Variants in OPHN1 observed in about 807,000 individuals in gnomAD.
OPHN1 encodes the protein oligophrenin-1.
In OPHN1, 11 loss-of-function variants were observed where a neutral mutation model predicts 60.7. That is an observed-to-expected ratio of 0.18 (90% CI 0.11 to 0.30). The LOEUF (loss-of-function observed/expected upper bound fraction) is 0.30, where lower values mean the gene tolerates loss of function less well. Among genes scored for constraint, OPHN1 ranks in the 10% least tolerant of loss-of-function variants. The probability of loss-of-function intolerance (pLI) is 1.00; values close to 1 mark genes in which losing one functional copy is unlikely to be tolerated. For synonymous variants in OPHN1, 226 were observed against 222.6 expected (o/e 1.02, Z -0.14); for missense variants, 449 against 611.0 (o/e 0.73, Z 2.80).
At chrX:68,369,954 A>G (rs923837957) in intron 2 of OPHN1, among the ~76,000 whole-genome samples, 1 of 101,061 alleles carries the variant, frequency 9.9e-6, no homozygotes, top group Non-Finnish European at 2.0e-5. Context: ...ACTAACAGCC[A>G]ATATCTCATC....
chrX:68,378,308 T>C (rs1273454601), intron 2 of OPHN1, among the ~76,000 whole-genome samples: 3 of 111,790 alleles, frequency 2.7e-5, no homozygotes, highest in Non-Finnish European at 5.6e-5. Context: ...TTTGTTTGAG[T>C]TCATTGTAGA....
chrX:68,064,619 C>A (rs1322902720), intron 20 of OPHN1, among the ~76,000 whole-genome samples: 2 of 111,939 alleles, frequency 1.8e-5, no homozygotes, highest in Non-Finnish European at 3.8e-5. Flanking sequence ...TAACTTCGTT[C>A]TCCAACCCGG....
intron 20 of OPHN1, among the ~76,000 whole-genome samples, chrX:68,072,273 TTAGATAAA>T (rs2076937792): frequency 8.9e-6 from 1 of 112,266 alleles, no homozygotes; most frequent in African/African-American, 3.2e-5. Flanking sequence ...GATATCAATC[TTAGATAAA>T]TTTGGAAATC....
intron 2 of OPHN1, among the ~76,000 whole-genome samples, chrX:68,369,401 C>A (rs1053726865): frequency 4.5e-5 from 5 of 110,994 alleles, no homozygotes; most frequent in African/African-American, 1.6e-4. Flanking sequence ...AGGGTTAACA[C>A]ATTATAATAT....
chrX:68,282,914 C>G (rs2078025474), intron 4 of OPHN1, 142 bp downstream of exon 4: 1 of 481,121 alleles, frequency 2.1e-6, no homozygotes, highest in African/African-American at 2.4e-5. Context: ...ATAACCAGAT[C>G]TATTACCTAA....
At chrX:68,416,031 A>G (rs2078792442) in intron 2 of OPHN1, among the ~76,000 whole-genome samples, 1 of 40,663 alleles carries the variant, frequency 2.5e-5, no homozygotes, top group Non-Finnish European at 4.8e-5. Flanking sequence ...AAAAAATTAT[A>G]TAATATATAT....
intron 3 of OPHN1, among the ~76,000 whole-genome samples, chrX:68,285,851 C>T (rs1462075648): frequency 9.0e-6 from 1 of 110,661 alleles, no homozygotes; most frequent in Non-Finnish European, 1.9e-5. Flanking sequence ...CTTCCAACTG[C>T]AAGTTTCAGT....
intron 6 of OPHN1, among the ~76,000 whole-genome samples, chrX:68,231,116 A>G (rs1279787749): frequency 1.8e-5 from 2 of 111,909 alleles, no homozygotes; most frequent in African/African-American, 6.5e-5. Flanking sequence ...ACATGGATGG[A>G]ACTGAAAGTT....
intron 2 of OPHN1, among the ~76,000 whole-genome samples, chrX:68,343,294 G>A (rs766774031): frequency 1.7e-3 from 175 of 103,220 alleles, no homozygotes; most frequent in African/African-American, 5.7e-3. Context: ...AAGCGGGGGG[G>A]GAGGGGCGCT....
intron 2 of OPHN1, among the ~76,000 whole-genome samples, chrX:68,430,910 C>T (rs1424787496): frequency 9.0e-6 from 1 of 111,604 alleles, no homozygotes; most frequent in Non-Finnish European, 1.9e-5. Flanking sequence ...TGCTCTTCCA[C>T]CATGTTTTAT....
rs1157241108 is a variant in OPHN1, at chrX:68,316,432, TAAG to T, written c.155-17339_155-17337del. Among the ~76,000 whole-genome samples, 9 of 112,166 alleles carry T rather than the reference TAAG, an allele frequency of 8.0e-5. No individual in the cohort carries two copies. The Admixed American group carries it at 8.5e-4, about 11-fold the overall frequency. On this transcript the variant is annotated intron_variant, in intron 2 of 24. Coordinates refer to ENST00000355520, the MANE Select transcript of OPHN1 (RefSeq NM_002547.3). ...TATATTAGTTTTCTATTCGCTGCCATAAGAAATTACCATAAACTTGGTGGTTTA... is the reference window on the plus strand; with the variant it reads ...TATATTAGTTTTCTATTCGCTGCCATAAATTACCATAAACTTGGTGGTTTA...
intron 2 of OPHN1, among the ~76,000 whole-genome samples, chrX:68,398,621 A>C (rs374921598): frequency 9.0e-6 from 1 of 111,599 alleles, no homozygotes; most frequent in East Asian, 2.8e-4. Context: ...GCAATGTGCT[A>C]CCTTAGACTG....
chrX:68,245,851 T>C (rs1378625382), intron 5 of OPHN1, among the ~76,000 whole-genome samples: 1 of 112,120 alleles, frequency 8.9e-6, no homozygotes, highest in Non-Finnish European at 1.9e-5. Context: ...TCACCCAGGC[T>C]GGAGTGCAAT....
Position 68,046,394 on chromosome X carries a change from T to C in OPHN1, c.*778A>G. On this transcript the variant is annotated 3_prime_UTR_variant, in exon 25 of 25. Transcript: ENST00000355520. ...AAGAAATGTGTTCAGCTTTTGTTTGTTTCTTGATTGCTTGACAGGAAGCTG... is the reference window on the plus strand; with the variant it reads ...AAGAAATGTGTTCAGCTTTTGTTTGCTTCTTGATTGCTTGACAGGAAGCTG... The C allele has an allele frequency of 8.9e-6, 1 of 112,433 alleles. No individual in the cohort carries two copies. The highest frequency in any genetic ancestry group is 3.7e-4 in the South Asian group (1 of 2,696). 9.3% of individuals were successfully genotyped at this position (112,433 alleles called of 1,213,427 possible).
At chrX:68,359,763 G>A (rs988663575) in intron 2 of OPHN1, among the ~76,000 whole-genome samples, 2 of 106,896 alleles carry the variant, frequency 1.9e-5, no homozygotes, top group East Asian at 3.0e-4. Context: ...GGTTGAGGCA[G>A]GAGAATGGCG....
At chrX:68,159,134 T>C (rs190213629) in intron 15 of OPHN1, among the ~76,000 whole-genome samples, 1 of 111,938 alleles carries the variant, frequency 8.9e-6, no homozygotes, top group East Asian at 2.8e-4. Context: ...CAAGGCTCTC[T>C]AGAAGGGAAC....
Position 68,192,934 on chromosome X carries a change from G to T in OPHN1, c.1261C>A (p.Leu421Met). The change falls in exon 15 of 25, where the codon CTG becomes ATG. Residue 421 changes from leucine to methionine, a missense_variant. Leu to Met is a conservative substitution (Grantham distance 15). This residue lies in a region of OPHN1 where 166 missense variants were observed against 278.4 expected (regional missense o/e 0.60). Transcript: ENST00000355520. ...AAATTGTTACCAAAAAAGGCATTCA[G>T]CAGCTTCTGAACCTGAATATTGCTG... Reference protein sequence around the residue: ...VGSNIQVQKLLNAFFDPKCPG... With the variant: ...VGSNIQVQKLMNAFFDPKCPG... The T allele has an allele frequency of 8.3e-7, 1 of 1,208,911 alleles. No homozygotes were observed. Among genetic ancestry groups the T allele is most frequent in the Non-Finnish European group, 1.1e-6 (1 of 892,797 alleles).
intron 23 of OPHN1, among the ~76,000 whole-genome samples, chrX:68,052,265 G>A (rs1432004387): frequency 2.9e-5 from 3 of 103,186 alleles, no homozygotes; most frequent in Non-Finnish European, 5.9e-5. Flanking sequence ...ACTCCAGCCT[G>A]GGCAACAGAG....
chrX:68,394,114 C>T (rs2078671079), intron 2 of OPHN1, among the ~76,000 whole-genome samples: 1 of 108,914 alleles, frequency 9.2e-6, no homozygotes, highest in Non-Finnish European at 1.9e-5. Flanking sequence ...CCAGGATGGT[C>T]TCGATCTCCT....
Sources: gnomAD v4.1 joint callset for allele counts (sites outside exome capture counted in the v4.1 genomes callset) on GRCh38, gnomAD v4.1.1 for gene constraint, gnomAD v4.1.1 regional missense constraint, MANE v1.5 for transcripts, NCBI Gene and HGNC (gene_info 2026-07-23, HGNC 2026-07-21) for gene names.